DGKB: variants seen among roughly 807,000 people sequenced by gnomAD.
DGKB encodes the protein diacylglycerol kinase beta, also known as 90 kDa diacylglycerol kinase.
A neutral mutation model predicts 114.3 loss-of-function variants in DGKB; 67 were observed. The ratio of observed to expected loss-of-function variants is 0.59; its 90% CI spans 0.48 to 0.72. The LOEUF is 0.72. Ranked by LOEUF, DGKB falls within the 30% of genes least tolerant of loss-of-function variation. DGKB has a pLI of 0.00. For synonymous variants in DGKB, 398 were observed against 323.1 expected (o/e 1.23, Z -2.49); for missense variants, 907 against 975.2 (o/e 0.93, Z 0.93).
At chr7:14,466,331 G>A (rs539944175) in intron 21 of DGKB, among the ~76,000 whole-genome samples, 20 of 152,290 alleles carry the variant, frequency 1.3e-4, no homozygotes, top group African/African-American at 4.3e-4. Context: ...GGCCAAGGCA[G>A]GTGGATCACG....
chr7:14,750,634 G>A (rs986553207), intron 4 of DGKB, among the ~76,000 whole-genome samples: 1 of 151,972 alleles, frequency 6.6e-6, no homozygotes, highest in Admixed American at 6.6e-5. Context: ...TTTCTAAATA[G>A]AGAATTTAAC....
At chr7:14,553,103 G>C (rs1334733613) in intron 20 of DGKB, among the ~76,000 whole-genome samples, 2 of 152,202 alleles carry the variant, frequency 1.3e-5, no homozygotes, top group African/African-American at 4.8e-5. Context: ...GCCACGGTCA[G>C]CTCAAGCAGC....
intron 1 of DGKB, among the ~76,000 whole-genome samples, chr7:14,935,225 T>C (rs1785214061): frequency 6.6e-6 from 1 of 152,086 alleles, no homozygotes. Flanking sequence ...AAGAGAGCAT[T>C]TATTGTAAAA....
chr7:14,296,232 A>G (rs759076598), intron 23 of DGKB, among the ~76,000 whole-genome samples: 3 of 151,776 alleles, frequency 2.0e-5, no homozygotes, highest in Non-Finnish European at 4.4e-5. Flanking sequence ...GGGTTTCACC[A>G]TGTTGGCCAG....
At chr7:14,398,608 TCA>T (rs1822602148) in intron 21 of DGKB, among the ~76,000 whole-genome samples, 1 of 151,934 alleles carries the variant, frequency 6.6e-6, no homozygotes, top group Non-Finnish European at 1.5e-5. Context: ...AATGAGCAAA[TCA>T]TCTACAGAAG....
chr7:14,972,794 A>G (rs1787551318), intron 1 of DGKB, among the ~76,000 whole-genome samples: 1 of 152,102 alleles, frequency 6.6e-6, no homozygotes. Context: ...ATTAAAATGT[A>G]GTTATAGCGA....
rs367749079 is a variant in DGKB, at chr7:14,868,616, CT to C, written c.-187-27167del. Reference sequence around the variant, plus strand: ...TGGAATAGTAGCTCTAGCTCTGCCCCTCATCCCAATTTCTTCTCACTTCTTC... The same window carrying C: ...TGGAATAGTAGCTCTAGCTCTGCCCCCATCCCAATTTCTTCTCACTTCTTC... On this transcript the variant is annotated intron_variant, in intron 1 of 25. Coordinates refer to ENST00000402815, the MANE Select transcript of DGKB (RefSeq NM_001350709.2). Among the ~76,000 whole-genome samples the C allele has an allele frequency of 7.9e-3, 1,199 of 152,198 alleles. 14 individuals are homozygous for C. Among genetic ancestry groups the C allele is most frequent in the African/African-American group, 0.028 (1,152 of 41,540 alleles).
chr7:14,349,553 C>T (rs572053763), intron 21 of DGKB, among the ~76,000 whole-genome samples: 113 of 152,208 alleles, frequency 7.4e-4, no homozygotes, highest in African/African-American at 2.7e-3. Context: ...TGAGAATTTA[C>T]ATTCAGCCCT....
chr7:14,646,984 C>CT (rs1391250155), intron 13 of DGKB, among the ~76,000 whole-genome samples: 1 of 151,134 alleles, frequency 6.6e-6, no homozygotes, highest in Non-Finnish European at 1.5e-5. Flanking sequence ...CAAAGCAGAA[C>CT]TAAACAAAAT....
chr7:14,965,695 C>A (rs1259024592), intron 1 of DGKB, among the ~76,000 whole-genome samples: 1 of 151,896 alleles, frequency 6.6e-6, no homozygotes, highest in Non-Finnish European at 1.5e-5. Flanking sequence ...ATAGCAAAAC[C>A]ACCCTTCATG....
At chr7:14,705,163 G>A (rs1266816253) in intron 6 of DGKB, among the ~76,000 whole-genome samples, 6 of 152,014 alleles carry the variant, frequency 3.9e-5, no homozygotes, top group Non-Finnish European at 5.9e-5. Flanking sequence ...CGAGAGCTAC[G>A]TGAAGAATGC....
chr7:14,244,112 G>A (rs1794076378), intron 23 of DGKB, among the ~76,000 whole-genome samples: 1 of 152,114 alleles, frequency 6.6e-6, no homozygotes, highest in Non-Finnish European at 1.5e-5. Flanking sequence ...AGGGGAATAA[G>A]GCGGCTTCTG....
intron 23 of DGKB, among the ~76,000 whole-genome samples, chr7:14,284,091 G>T (rs910879411): frequency 9.2e-5 from 14 of 152,140 alleles, no homozygotes; most frequent in African/African-American, 3.4e-4. Context: ...TACAAAATGG[G>T]AGAAAATTTT....
intron 20 of DGKB, among the ~76,000 whole-genome samples, chr7:14,547,349 T>C (rs2128633038): frequency 6.6e-6 from 1 of 152,330 alleles, no homozygotes. Context: ...TACTTCTGTC[T>C]TTCCAATAGT....
chr7:14,974,596 T>C (rs1469173615), intron 1 of DGKB: 1 of 152,146 alleles, frequency 6.6e-6, no homozygotes, highest in African/African-American at 2.4e-5. Context: ...AGGGCATTTA[T>C]TCCATCAAAT....
At chr7:14,287,366 A>G (rs940424195) in intron 23 of DGKB, among the ~76,000 whole-genome samples, 9 of 152,098 alleles carry the variant, frequency 5.9e-5, no homozygotes, top group Admixed American at 2.6e-4. Flanking sequence ...CTTTATCTCA[A>G]TGAAATCGGG....
At chr7:14,191,771 G>T (rs1444064432) in intron 23 of DGKB, 2 of 336,802 alleles carry the variant, frequency 5.9e-6, no homozygotes, top group Non-Finnish European at 1.2e-5. Flanking sequence ...CCCACCAATG[G>T]AAACAAATGG....
chr7:14,675,890 T>C (rs1031362097), intron 12 of DGKB, among the ~76,000 whole-genome samples: 4 of 152,006 alleles, frequency 2.6e-5, no homozygotes, highest in African/African-American at 9.7e-5. Context: ...TAGCCAAGAG[T>C]GTTAAAACTG....
At chr7:14,703,337 C>A (rs902948487) in intron 6 of DGKB, among the ~76,000 whole-genome samples, 1 of 152,166 alleles carries the variant, frequency 6.6e-6, no homozygotes, top group African/African-American at 2.4e-5. Flanking sequence ...AAACCCTGTT[C>A]TGATTTGTTG....
Sources: allele counts gnomAD v4.1 joint callset (sites outside exome capture counted in the v4.1 genomes callset), GRCh38; gene constraint gnomAD v4.1.1; transcripts MANE v1.5; gene names NCBI Gene and HGNC (gene_info 2026-07-23, HGNC 2026-07-21).